GLRA3: variants seen among roughly 807,000 people sequenced by gnomAD.
GLRA3 encodes the protein glycine receptor alpha 3.
Under a neutral mutation model 60.4 loss-of-function variants are expected in GLRA3, and 44 were observed. The observed-to-expected ratio is 0.73, with a 90% CI of 0.57 to 0.94. The LOEUF is 0.94. GLRA3 is among the 40% of genes least tolerant of loss of function. GLRA3 has a pLI of 0.00. For missense variants in GLRA3, 508 were observed against 564.6 expected, an observed-to-expected ratio of 0.90 and a Z score of 1.02; for synonymous variants, 223 against 192.9, an observed-to-expected ratio of 1.16 and a Z score of -1.29.
intron 3 of GLRA3, among the ~76,000 whole-genome samples, chr4:174,733,468 G>T (rs58696179): frequency 6.6e-6 from 1 of 151,966 alleles, no homozygotes; most frequent in South Asian, 2.1e-4. Context: ...GATAGCAAAG[G>T]GCCCAGCCTG....
intron 1 of GLRA3, among the ~76,000 whole-genome samples, chr4:174,789,593 C>T (rs764803573): frequency 1.3e-4 from 20 of 152,134 alleles, no homozygotes; most frequent in African/African-American, 2.7e-4. Context: ...ATTAGTAGAA[C>T]CTGTGTCCAG....
At chr4:174,788,713 T>C in intron 2 of GLRA3, 103 bp downstream of exon 2, 1 of 693,928 alleles carries the variant, frequency 1.4e-6, no homozygotes, top group Non-Finnish European at 2.2e-6. Flanking sequence ...TTTGGAAGAT[T>C]GTTGAAAATA....
In GLRA3 at chr4:174,760,584, C is replaced by G. The variant is rs183895809; in HGVS notation, c.267+6379G>C. On this transcript the variant is annotated intron_variant, in intron 3 of 9. Coordinates refer to ENST00000274093, the MANE Select transcript of GLRA3 (RefSeq NM_006529.4). ...AGCCTAGGCTGGAGTGCAGTGGCAC[C>G]ATTTCAGCTGGCTGCAAACTCCGCC... Among the ~76,000 whole-genome samples the G allele has an allele frequency of 6.6e-5, 10 of 152,064 alleles. No individual in the cohort carries two copies. The East Asian group carries it at 1.9e-3, about 30-fold the overall frequency.
Position 174,822,267 on chromosome 4 carries a change from C to G in GLRA3, c.71+6474G>C, listed in dbSNP as rs575299231. On this transcript the variant is annotated intron_variant, in intron 1 of 9. Transcript: ENST00000274093. ...ATTCAGGTAGAATGCCATGGGCTCT[C>G]TGAAACTAGAGAATCCAAACTTCAT... Among the ~76,000 whole-genome samples the G allele has an allele frequency of 4.6e-5, 7 of 152,228 alleles. No individual in the cohort carries two copies. In the South Asian group the frequency reaches 1.5e-3, roughly 32 times the overall value.
intron 5 of GLRA3, among the ~76,000 whole-genome samples, chr4:174,690,056 G>GT (rs1157927132): frequency 6.6e-6 from 1 of 152,178 alleles, no homozygotes; most frequent in Non-Finnish European, 1.5e-5. Context: ...CAACATAGAT[G>GT]TAACTGGCGG....
Position 174,743,475 on chromosome 4 carries a change from C to T in GLRA3, c.268-14777G>A, listed in dbSNP as rs1436198830. On this transcript the variant is annotated intron_variant, in intron 3 of 9. Transcript: ENST00000274093. ...CCAGCCAGTTATTTTGTTGAATGTC[C>T]CTCAGTTTGGGTTTGTCTGATGTTT... Among the ~76,000 whole-genome samples the T allele has an allele frequency of 2.0e-5, 3 of 151,804 alleles. No individual in the cohort carries two copies. The East Asian group carries it at 5.8e-4, about 29-fold the overall frequency.
At chr4:174,778,521 C>A (rs991713821) in intron 2 of GLRA3, among the ~76,000 whole-genome samples, 1 of 152,118 alleles carries the variant, frequency 6.6e-6, no homozygotes, top group African/African-American at 2.4e-5. Context: ...CCCAGCGTGA[C>A]CGATGCAGAA....
chr4:174,713,656 G>A (rs535251302), intron 5 of GLRA3: 33 of 152,094 alleles, frequency 2.2e-4, no homozygotes, highest in African/African-American at 7.0e-4. Context: ...TTTCTCTTTC[G>A]AGGTTGAATC....
chr4:174,822,295 A>C (rs1198200868), intron 1 of GLRA3, among the ~76,000 whole-genome samples: 1 of 152,206 alleles, frequency 6.6e-6, no homozygotes, highest in African/African-American at 2.4e-5. Flanking sequence ...AACTTCATGC[A>C]TGGAGCACCT....
At chr4:174,780,903 A>G (rs1738840518) in intron 2 of GLRA3, among the ~76,000 whole-genome samples, 1 of 152,192 alleles carries the variant, frequency 6.6e-6, no homozygotes, top group Non-Finnish European at 1.5e-5. Context: ...TAGACGGATC[A>G]ACGAGACAGA....
At chr4:174,818,914 T>C (rs11945580) in intron 1 of GLRA3, among the ~76,000 whole-genome samples, 1,650 of 152,322 alleles carry the variant, frequency 0.011, 35 homozygotes, top group African/African-American at 0.038. Flanking sequence ...GATTGTTTTG[T>C]TATTAATAAG....
At position 174,673,142 on chromosome 4, in the gene GLRA3, A is replaced by C. The variant is rs193302656; in HGVS notation, c.927+3936T>G. Reference sequence around the variant, plus strand: ...TGAGGGTAGGTCTCTAATAGGAATTAATTGATTGTTGAAATCATAAAATAA... The same window carrying C: ...TGAGGGTAGGTCTCTAATAGGAATTCATTGATTGTTGAAATCATAAAATAA... On this transcript the variant is annotated intron_variant, in intron 7 of 9. Coordinates refer to ENST00000274093, the MANE Select transcript of GLRA3 (RefSeq NM_006529.4). 3.3e-5 allele frequency among the ~76,000 whole-genome samples: 5 copies of C among 152,236 alleles called. No individual in the cohort carries two copies. In the East Asian group the frequency reaches 9.7e-4, roughly 29 times the overall value.
intron 2 of GLRA3, among the ~76,000 whole-genome samples, chr4:174,773,398 T>C (rs1442370782): frequency 2.0e-5 from 3 of 151,976 alleles, no homozygotes; most frequent in Non-Finnish European, 4.4e-5. Flanking sequence ...ATGCAAAATC[T>C]TGGCAACGAT....
intron 5 of GLRA3, among the ~76,000 whole-genome samples, chr4:174,708,532 C>A (rs1396997163): frequency 6.7e-6 from 1 of 149,278 alleles, no homozygotes; most frequent in Non-Finnish European, 1.5e-5. Flanking sequence ...TTTTGGCAGA[C>A]AATACTTCTT....
chr4:174,765,569 T>C (rs561223522), intron 3 of GLRA3, among the ~76,000 whole-genome samples: 2 of 152,136 alleles, frequency 1.3e-5, no homozygotes, highest in South Asian at 2.1e-4. Context: ...ACAAAGCCAA[T>C]AGTGATTCCT....
chr4:174,775,268 T>C (rs1738555139), intron 2 of GLRA3, among the ~76,000 whole-genome samples: 1 of 152,082 alleles, frequency 6.6e-6, no homozygotes, highest in Non-Finnish European at 1.5e-5. Flanking sequence ...ATAGTAAAAA[T>C]GGGTAAAGGA....
chr4:174,644,374 A>T (rs2110838870), intron 9 of GLRA3, among the ~76,000 whole-genome samples: 1 of 151,822 alleles, frequency 6.6e-6, no homozygotes, highest in South Asian at 2.1e-4. Context: ...ACAAGATAAA[A>T]TCTATTGTGT....
chr4:174,776,044 C>T (rs578197972), intron 2 of GLRA3, among the ~76,000 whole-genome samples: 7 of 152,152 alleles, frequency 4.6e-5, no homozygotes, highest in Non-Finnish European at 7.4e-5. Flanking sequence ...AGGGATAGGG[C>T]CTGGCATCTG....
At chr4:174,778,028 A>G (rs1039484851) in intron 2 of GLRA3, among the ~76,000 whole-genome samples, 1 of 152,152 alleles carries the variant, frequency 6.6e-6, no homozygotes, top group African/African-American at 2.4e-5. Context: ...GTTATAATTT[A>G]TATGTGTGTG....
Sources: allele counts gnomAD v4.1 joint callset (sites outside exome capture counted in the v4.1 genomes callset), GRCh38; gene constraint gnomAD v4.1.1; transcripts MANE v1.5; gene names NCBI Gene and HGNC (gene_info 2026-07-23, HGNC 2026-07-21).